The following MGST3 variants were observed in gnomAD, a reference collection of about 807,000 sequenced individuals.
MGST3 encodes glutathione S-transferase 3, mitochondrial.
MGST3 carries 13 observed loss-of-function variants against 15.8 expected under a neutral mutation model. The observed-to-expected ratio is 0.82, with a 90% CI of 0.54 to 1.31. The LOEUF (loss-of-function observed/expected upper bound fraction) is 1.31. Among genes scored for constraint, MGST3 ranks in the 50% most tolerant of loss-of-function variants. The pLI is 0.00. For synonymous variants in MGST3, 49 were observed against 68.1 expected (o/e 0.72, Z 1.38); for missense variants, 155 against 192.4 (o/e 0.81, Z 1.15).
At chr1:165,648,052 G>A (rs1045065363) in intron 1 of MGST3, among the ~76,000 whole-genome samples, 1 of 152,226 alleles carries the variant, frequency 6.6e-6, no homozygotes, top group Non-Finnish European at 1.5e-5. Flanking sequence ...TTTCAAAGAG[G>A]TGTTCAGAAT....
rs140002150 is a variant in MGST3, at chr1:165,633,672, C to T, written c.-8+2379C>T. Among the ~76,000 whole-genome samples, 383 of 152,224 alleles carry T rather than the reference C, an allele frequency of 2.5e-3. 3 individuals are homozygous for T. The highest frequency in any genetic ancestry group is 7.9e-3 in the African/African-American group (329 of 41,528). ...TCCTTTGGGGTGGTTGGTACCCTAA[C>T]GGGCATTCAGCAGCTGCTACAAATT... On this transcript the variant is annotated intron_variant, in intron 1 of 5. Transcript: ENST00000367889.
At chr1:165,650,137 A>G (rs1648513204) in intron 2 of MGST3, 173 bp downstream of exon 2, 1 of 864,482 alleles carries the variant, frequency 1.2e-6, no homozygotes, top group Non-Finnish European at 1.8e-6. Flanking sequence ...GGCAAGAAAT[A>G]CAGGGCCCTG....
intron 1 of MGST3, among the ~76,000 whole-genome samples, chr1:165,632,991 T>C (rs1647994263): frequency 6.6e-6 from 1 of 152,266 alleles, no homozygotes; most frequent in Non-Finnish European, 1.5e-5. Context: ...CCTATGTTTA[T>C]ACTTAAATCT....
intron 1 of MGST3, chr1:165,648,475 TG>T (rs1334555927): frequency 6.6e-6 from 1 of 152,254 alleles, no homozygotes; most frequent in Non-Finnish European, 1.5e-5. Context: ...CTGGCCAACA[TG>T]GCAAAACCTC....
intron 1 of MGST3, among the ~76,000 whole-genome samples, chr1:165,637,582 A>G (rs1006222028): frequency 2.0e-5 from 3 of 152,164 alleles, no homozygotes; most frequent in East Asian, 1.9e-4. Context: ...CTTTCTGGGT[A>G]AGCCTTGCAA....
intron 1 of MGST3, among the ~76,000 whole-genome samples, chr1:165,634,499 T>C (rs1189945940): frequency 1.3e-5 from 2 of 152,128 alleles, no homozygotes; most frequent in Non-Finnish European, 2.9e-5. Context: ...TTTCTTCCTC[T>C]AGTCTATATC....
chr1:165,652,482 C>T (rs972909706), intron 4 of MGST3, among the ~76,000 whole-genome samples: 1 of 152,088 alleles, frequency 6.6e-6, no homozygotes, highest in Non-Finnish European at 1.5e-5. Context: ...AGAGAAGAAG[C>T]AACCTAAGTA....
chr1:165,651,165 G>T, intron 3 of MGST3, 78 bp downstream of exon 3: 1 of 1,176,728 alleles, frequency 8.5e-7, no homozygotes, highest in Non-Finnish European at 1.3e-6. Context: ...CCCTTAGTGC[G>T]CTGTATTTGC....
At chr1:165,648,067 ACT>A (rs772673903) in intron 1 of MGST3, among the ~76,000 whole-genome samples, 14 of 152,088 alleles carry the variant, frequency 9.2e-5, no homozygotes, top group Non-Finnish European at 1.9e-4. Context: ...CAGAATTCAC[ACT>A]CTGTTTTTCT....
At chr1:165,633,453 T>A (rs575241037) in intron 1 of MGST3, among the ~76,000 whole-genome samples, 39 of 152,356 alleles carry the variant, frequency 2.6e-4, no homozygotes, top group Admixed American at 5.9e-4. Flanking sequence ...CATTTTTTTT[T>A]ATTTTTTTAA....
intron 1 of MGST3, among the ~76,000 whole-genome samples, chr1:165,642,604 A>G (rs1222253031): frequency 6.6e-6 from 1 of 152,242 alleles, no homozygotes; most frequent in Non-Finnish European, 1.5e-5. Flanking sequence ...GTAACGTAAC[A>G]TAATATATAA....
intron 4 of MGST3, 31 bp from the exon 5 acceptor site, chr1:165,654,248 T>C (rs371160959): frequency 8.8e-5 from 141 of 1,605,776 alleles, no homozygotes; most frequent in Non-Finnish European, 1.1e-4. Flanking sequence ...GTTTCTTTCA[T>C]GCAAATACTA....
At chr1:165,633,430 T>C (rs1319780597) in intron 1 of MGST3, among the ~76,000 whole-genome samples, 1 of 152,250 alleles carries the variant, frequency 6.6e-6, no homozygotes, top group South Asian at 2.1e-4. Context: ...TTAGTTGCCT[T>C]ATTTCCACCC....
intron 1 of MGST3, chr1:165,636,670 G>C (rs1331717336): frequency 6.6e-6 from 1 of 152,020 alleles, no homozygotes; most frequent in Non-Finnish European, 1.5e-5. Flanking sequence ...CTGGGAGGCA[G>C]AGGTTGCAGT....
At chr1:165,654,005 A>T (rs1310475327) in intron 4 of MGST3, 1 of 443,838 alleles carries the variant, frequency 2.3e-6, no homozygotes, top group Non-Finnish European at 4.2e-6. Flanking sequence ...CAAGATGCCC[A>T]GGGCAAGTGG....
chr1:165,633,682 G>C (rs1029125378), intron 1 of MGST3, among the ~76,000 whole-genome samples: 45 of 152,192 alleles, frequency 3.0e-4, no homozygotes, highest in African/African-American at 1.0e-3. Context: ...CGGGCATTCA[G>C]CAGCTGCTAC....
chr1:165,650,921 A>G (rs1471727118), intron 2 of MGST3, 93 bp from the exon 3 acceptor site: 39 of 1,061,464 alleles, frequency 3.7e-5, no homozygotes, highest in Non-Finnish European at 5.5e-5. Context: ...GAAAGAAGAT[A>G]CTTTGGAATA....
chr1:165,651,272 GT>G (rs779708679), intron 3 of MGST3, 185 bp downstream of exon 3: 1 of 632,008 alleles, frequency 1.6e-6, no homozygotes, highest in Non-Finnish European at 2.9e-6. Context: ...CTTAAGAGTG[GT>G]TGGAATGGTG....
intron 1 of MGST3, chr1:165,635,916 C>G (rs1648098438): frequency 6.6e-6 from 1 of 152,142 alleles, no homozygotes; most frequent in African/African-American, 2.4e-5. Flanking sequence ...GATTTCTATT[C>G]AACTTTTTGT....
Sources: allele counts gnomAD v4.1 joint callset (sites outside exome capture counted in the v4.1 genomes callset), GRCh38; gene constraint gnomAD v4.1.1; transcripts MANE v1.5; gene names NCBI Gene and HGNC (gene_info 2026-07-23, HGNC 2026-07-21).